STXBP5L: variants seen among roughly 807,000 people sequenced by gnomAD.
STXBP5L encodes syntaxin binding protein 5L.
Under a neutral mutation model 144.5 loss-of-function variants are expected in STXBP5L, and 65 were observed. That is an observed-to-expected ratio of 0.45 (90% CI 0.37 to 0.55). STXBP5L has a LOEUF of 0.55. STXBP5L is among the 20% of genes least tolerant of loss of function. The probability of loss-of-function intolerance (pLI) is 0.00; values close to 1 mark genes in which losing one functional copy is unlikely to be tolerated. For synonymous variants in STXBP5L, 505 were observed against 469.6 expected, an observed-to-expected ratio of 1.08 and a Z score of -0.97; for missense variants, 1,298 against 1,405.5, an observed-to-expected ratio of 0.92 and a Z score of 1.22.
At chr3:121,190,824 G>A (rs978181554) in intron 9 of STXBP5L, among the ~76,000 whole-genome samples, 4 of 151,188 alleles carry the variant, frequency 2.6e-5, no homozygotes, top group Admixed American at 1.3e-4. Flanking sequence ...CTTCTCAGAC[G>A]GGGCGGCCAG....
At chr3:120,949,302 A>C (rs1297180094) in intron 2 of STXBP5L, among the ~76,000 whole-genome samples, 1 of 151,948 alleles carries the variant, frequency 6.6e-6, no homozygotes, top group East Asian at 1.9e-4. Context: ...TTTCTTGTAG[A>C]TTCTGGATAT....
intron 13 of STXBP5L, among the ~76,000 whole-genome samples, chr3:121,239,542 G>A (rs1239945147): frequency 1.3e-5 from 2 of 151,416 alleles, no homozygotes; most frequent in African/African-American, 2.4e-5. Context: ...AAAAAGATGA[G>A]TTCATGTCCT....
rs1352435219 is a variant in STXBP5L at position 121,421,527 on chromosome 3, A to G, written c.*2430A>G. ...TCCCAGTTCACAGCCACTATTCTAC[A>G]TCATACAAAGAGGTAGATTGTGTGA... On this transcript the variant is annotated 3_prime_UTR_variant, in exon 27 of 27. Transcript: ENST00000471454. 1 of 152,208 alleles carries G rather than the reference A, an allele frequency of 6.6e-6. No homozygotes were observed. Among genetic ancestry groups the G allele is most frequent in the Non-Finnish European group, 1.5e-5 (1 of 68,030 alleles). The allele number at this position is 152,208 out of a possible 1,614,324, so 9.4% of individuals were successfully genotyped here.
intron 11 of STXBP5L, among the ~76,000 whole-genome samples, chr3:121,223,925 A>T (rs565757244): frequency 6.6e-6 from 1 of 152,240 alleles, no homozygotes; most frequent in East Asian, 1.9e-4. Flanking sequence ...ATGAGATTCC[A>T]TCTCAAACAA....
At chr3:121,196,942 C>T (rs1225964951) in intron 9 of STXBP5L, among the ~76,000 whole-genome samples, 1 of 152,142 alleles carries the variant, frequency 6.6e-6, no homozygotes. Flanking sequence ...CCCAGCCTCC[C>T]AAAGTGCTGG....
At chr3:121,288,397 GTTCT>G (rs2051305121) in intron 19 of STXBP5L, among the ~76,000 whole-genome samples, 1 of 152,160 alleles carries the variant, frequency 6.6e-6, no homozygotes, top group Admixed American at 6.5e-5. Context: ...TCTGTTTTAA[GTTCT>G]TTGAGAAATT....
At chr3:121,313,161 G>A (rs1407750696) in intron 19 of STXBP5L, among the ~76,000 whole-genome samples, 27 of 144,392 alleles carry the variant, frequency 1.9e-4, no homozygotes, top group African/African-American at 4.7e-4. Context: ...CAGTAGGGGC[G>A]GCCGGGCAGA....
At chr3:121,187,488 A>G (rs2047439733) in intron 9 of STXBP5L, among the ~76,000 whole-genome samples, 1 of 151,952 alleles carries the variant, frequency 6.6e-6, no homozygotes, top group Admixed American at 6.6e-5. Context: ...CAGCATACCA[A>G]CATGGCACAT....
At chr3:121,222,302 T>C (rs2048998007) in intron 10 of STXBP5L, among the ~76,000 whole-genome samples, 1 of 152,070 alleles carries the variant, frequency 6.6e-6, no homozygotes, top group East Asian at 1.9e-4. Flanking sequence ...TTAACCCCAC[T>C]CTATTATCTA....
chr3:120,980,501 A>G (rs1404516978), intron 3 of STXBP5L, among the ~76,000 whole-genome samples: 1 of 149,478 alleles, frequency 6.7e-6, no homozygotes, highest in South Asian at 2.1e-4. Flanking sequence ...AATCTATTTT[A>G]TCTGGTGTAA....
At chr3:121,091,124 C>G (rs1156349905) in intron 5 of STXBP5L, among the ~76,000 whole-genome samples, 1 of 149,118 alleles carries the variant, frequency 6.7e-6, no homozygotes, top group Non-Finnish European at 1.5e-5. Flanking sequence ...TTTTTTATGG[C>G]TGCATAGTAT....
At chr3:121,345,971 T>A (rs2044950840) in intron 20 of STXBP5L, among the ~76,000 whole-genome samples, 1 of 152,102 alleles carries the variant, frequency 6.6e-6, no homozygotes, top group Non-Finnish European at 1.5e-5. Context: ...ATTATTATTA[T>A]ACTTTAAGTT....
intron 7 of STXBP5L, among the ~76,000 whole-genome samples, chr3:121,132,094 G>A (rs897565432): frequency 6.6e-6 from 1 of 152,130 alleles, no homozygotes; most frequent in Non-Finnish European, 1.5e-5. Flanking sequence ...CTTCTGTCTT[G>A]CCAGTCTTGG....
rs140159678 is a variant in STXBP5L, at chr3:121,223,117, T to C, written c.1071T>C (p.Ile357=). Residue 357 remains isoleucine, a synonymous_variant, in exon 11 of 27, where the codon ATT becomes ATC. Transcript: ENST00000471454. The stretch of plus-strand genomic sequence containing the variant: ...CAGTACTTGAAATGGATCATCCTAT[T>C]GTTGAATTTCTAACTTTATGTGAAA... ...AITVLEMDHP[I]VEFLTLCETP... 6.2e-7 allele frequency: 1 copy of C among 1,610,974 alleles called. No individual in the cohort carries two copies. Among genetic ancestry groups the C allele is most frequent in the Non-Finnish European group, 8.5e-7 (1 of 1,178,950 alleles).
chr3:121,267,381 C>T (rs1404349820), intron 18 of STXBP5L, among the ~76,000 whole-genome samples: 1 of 152,152 alleles, frequency 6.6e-6, no homozygotes, highest in Non-Finnish European at 1.5e-5. Flanking sequence ...AAATTAGACC[C>T]TTTCCTTAGA....
intron 25 of STXBP5L, 83 bp downstream of exon 25, chr3:121,416,051 T>C: frequency 9.9e-7 from 1 of 1,008,182 alleles, no homozygotes; most frequent in South Asian, 1.6e-5. Context: ...TAACTTAATG[T>C]AATATGTGAT....
chr3:121,100,603 G>T (rs1157670357), intron 5 of STXBP5L, among the ~76,000 whole-genome samples: 1 of 152,100 alleles, frequency 6.6e-6, no homozygotes. Flanking sequence ...GCAATGTTAA[G>T]AGGAAAGTTT....
At chr3:121,318,452 A>ATT in intron 19 of STXBP5L, 23 bp from the exon 20 acceptor site, 1 of 1,527,116 alleles carries the variant, frequency 6.5e-7, no homozygotes, top group Non-Finnish European at 8.8e-7. Flanking sequence ...AATTTATCTC[A>ATT]TTTTTTTTCA....
At chr3:121,097,245 C>G (rs2043176239) in intron 5 of STXBP5L, among the ~76,000 whole-genome samples, 1 of 152,150 alleles carries the variant, frequency 6.6e-6, no homozygotes, top group Admixed American at 6.5e-5. Flanking sequence ...GAATTTCAAG[C>G]CAGTGGGGGT....
Sources: allele counts gnomAD v4.1 joint callset (sites outside exome capture counted in the v4.1 genomes callset), GRCh38; gene constraint gnomAD v4.1.1; transcripts MANE v1.5; gene names NCBI Gene and HGNC (gene_info 2026-07-23, HGNC 2026-07-21).